Variants in CCDC85A observed in about 807,000 individuals in gnomAD.
CCDC85A encodes coiled-coil domain containing 85A.
In CCDC85A, 38 loss-of-function variants were observed where a neutral mutation model predicts 50.2. The ratio of observed to expected loss-of-function variants is 0.76; its 90% CI spans 0.58 to 0.99. The LOEUF (loss-of-function observed/expected upper bound fraction) is 0.99. CCDC85A is among the 50% of genes least tolerant of loss of function. The pLI is 0.00. For synonymous variants in CCDC85A, 366 were observed against 301.4 expected (o/e 1.21, Z -2.22); for missense variants, 820 against 742.0 (o/e 1.11, Z -1.22).
chr2:56,215,499 C>T (rs1677353027), intron 2 of CCDC85A, among the ~76,000 whole-genome samples: 1 of 150,866 alleles, frequency 6.6e-6, no homozygotes, highest in Non-Finnish European at 1.5e-5. Flanking sequence ...CAGTTTTTCA[C>T]TGTTAAATGT....
At chr2:56,382,776 A>T (rs1458679948) in intron 5 of CCDC85A, among the ~76,000 whole-genome samples, 4 of 152,036 alleles carry the variant, frequency 2.6e-5, no homozygotes, top group East Asian at 3.9e-4. Flanking sequence ...ATATTTGAAG[A>T]GGAGTTGCAC....
chr2:56,376,572 C>G (rs1676346848), intron 5 of CCDC85A, among the ~76,000 whole-genome samples: 1 of 151,926 alleles, frequency 6.6e-6, no homozygotes, highest in Non-Finnish European at 1.5e-5. Context: ...ATTTTCTTTA[C>G]CAATAATGAG....
chr2:56,230,784 T>A (rs1381972484), intron 2 of CCDC85A, among the ~76,000 whole-genome samples: 3 of 152,258 alleles, frequency 2.0e-5, no homozygotes, highest in African/African-American at 7.2e-5. Context: ...CCCCTGTGAG[T>A]GCAGGTACGG....
Position 56,193,309 on chromosome 2 carries a change from C to G in CCDC85A, c.1109C>G (p.Pro370Arg), listed in dbSNP as rs1242927518. Residue 370 changes from proline (P) to arginine (R), a missense_variant, in exon 2 of 6, where the codon CCT becomes CGT. Physicochemically the swap from Pro to Arg is moderately radical, Grantham distance 103. Transcript: ENST00000407595. Reference sequence around the variant, plus strand: ...CTCAAACAACATTATGGAGGGAGCCCTGATCACAAACACGGAGGAGGCAGT... The same window carrying G: ...CTCAAACAACATTATGGAGGGAGCCGTGATCACAAACACGGAGGAGGCAGT... ...EHLKQHYGGS[P>R]DHKHGGGSGG... 5.0e-6 allele frequency: 8 copies of G among 1,613,448 alleles called. No homozygotes were observed. Among genetic ancestry groups the G allele is most frequent in the Admixed American group, 1.7e-5 (1 of 59,908 alleles).
At chr2:56,361,081 A>T (rs1351604564) in intron 3 of CCDC85A, among the ~76,000 whole-genome samples, 2 of 152,076 alleles carry the variant, frequency 1.3e-5, no homozygotes, top group Non-Finnish European at 2.9e-5. Context: ...TTGAAACCCC[A>T]TCTCTACTAA....
intron 2 of CCDC85A, among the ~76,000 whole-genome samples, chr2:56,311,432 T>G (rs1242086778): frequency 3.9e-5 from 6 of 152,114 alleles, no homozygotes. Context: ...TTTTAAAAGC[T>G]TAAGCTAATG....
chr2:56,281,852 A>G (rs189924996), intron 2 of CCDC85A, among the ~76,000 whole-genome samples: 5 of 152,306 alleles, frequency 3.3e-5, no homozygotes, highest in African/African-American at 1.2e-4. Context: ...ATAATAGTGA[A>G]TAAGAATGTT....
intron 1 of CCDC85A, among the ~76,000 whole-genome samples, chr2:56,188,900 CT>C (rs1339143478): frequency 6.6e-6 from 1 of 152,178 alleles, no homozygotes; most frequent in African/African-American, 2.4e-5. Flanking sequence ...CAAAGAAAGA[CT>C]TTTGGAATAG....
intron 2 of CCDC85A, among the ~76,000 whole-genome samples, chr2:56,295,327 T>A (rs1671897444): frequency 6.6e-6 from 1 of 152,214 alleles, no homozygotes; most frequent in African/African-American, 2.4e-5. Context: ...TTATTCTTTT[T>A]TGTAGTGGGA....
chr2:56,336,304 C>A (rs1244323399), intron 2 of CCDC85A, among the ~76,000 whole-genome samples: 1 of 152,076 alleles, frequency 6.6e-6, no homozygotes, highest in Non-Finnish European at 1.5e-5. Flanking sequence ...CAGGCATGCA[C>A]CACCACACCT....
intron 2 of CCDC85A, among the ~76,000 whole-genome samples, chr2:56,280,691 G>A (rs968214085): frequency 6.6e-6 from 1 of 152,162 alleles, no homozygotes; most frequent in African/African-American, 2.4e-5. Flanking sequence ...TAGTGTTAGA[G>A]AGAGTGTTAA....
chr2:56,286,633 C>G (rs938174915), intron 2 of CCDC85A, among the ~76,000 whole-genome samples: 1 of 152,078 alleles, frequency 6.6e-6, no homozygotes, highest in African/African-American at 2.4e-5. Context: ...TTCCTTTAAG[C>G]CCTTGAACAT....
At chr2:56,347,660 A>C (rs1435826621) in intron 3 of CCDC85A, among the ~76,000 whole-genome samples, 2 of 152,178 alleles carry the variant, frequency 1.3e-5, no homozygotes. Context: ...CTGCATGGAA[A>C]ATTTATGCTT....
rs1164910964 is a variant in CCDC85A at position 56,375,924 on chromosome 2, C to A, written c.1561C>A (p.His521Asn). 1.9e-6 allele frequency: 3 copies of A among 1,613,524 alleles called. No individual in the cohort carries two copies. The Admixed American group carries it at 5.0e-5, about 27-fold the overall frequency. Residue 521 changes from histidine (H) to asparagine (N), a missense_variant, in exon 5 of 6, where the codon CAT (histidine) becomes AAT (asparagine). Physicochemically the swap from His to Asn is moderately conservative, Grantham distance 68 (BLOSUM62 1). Coordinates refer to ENST00000407595, the MANE Select transcript of CCDC85A (RefSeq NM_001080433.2). ...TTCCCAGCAGCCTGAACCTGTGGTA[C>A]ATTCTCTTAAGGTAACCAATCGTGT... is the stretch of plus-strand genomic sequence containing the variant. ...TPSQQPEPVV[H>N]SLKVVWRKLG... is the part of the protein sequence containing the mutation.
At chr2:56,331,531 A>G (rs371802969) in intron 2 of CCDC85A, among the ~76,000 whole-genome samples, 8 of 152,214 alleles carry the variant, frequency 5.3e-5, no homozygotes, top group Admixed American at 1.3e-4. Flanking sequence ...TTTTAAATTC[A>G]TACAAAAAAA....
chr2:56,223,414 G>A (rs1668411226), intron 2 of CCDC85A, among the ~76,000 whole-genome samples: 1 of 152,124 alleles, frequency 6.6e-6, no homozygotes, highest in Non-Finnish European at 1.5e-5. Context: ...TACAAACACA[G>A]CCACCAGGTT....
intron 3 of CCDC85A, among the ~76,000 whole-genome samples, chr2:56,359,574 A>G (rs1057509532): frequency 6.6e-6 from 1 of 152,228 alleles, no homozygotes; most frequent in African/African-American, 2.4e-5. Flanking sequence ...GCTTGGAAAG[A>G]ACATGAATTT....
intron 2 of CCDC85A, among the ~76,000 whole-genome samples, chr2:56,290,016 A>G (rs1671630959): frequency 6.6e-6 from 1 of 152,202 alleles, no homozygotes; most frequent in Non-Finnish European, 1.5e-5. Context: ...GGTTCAAGCC[A>G]GACCCTCATT....
intron 2 of CCDC85A, among the ~76,000 whole-genome samples, chr2:56,197,099 T>G (rs1250787471): frequency 3.9e-5 from 6 of 152,202 alleles, no homozygotes; most frequent in Admixed American, 2.6e-4. Flanking sequence ...GGGTTGTAAG[T>G]CTTCCTCCTG....
Sources: allele counts gnomAD v4.1 joint callset (sites outside exome capture counted in the v4.1 genomes callset), GRCh38; gene constraint gnomAD v4.1.1; transcripts MANE v1.5; gene names NCBI Gene and HGNC (gene_info 2026-07-23, HGNC 2026-07-21).